CEMIP: variants seen among roughly 807,000 people sequenced by gnomAD.
The protein encoded by CEMIP is cell migration inducing hyaluronidase 1, also known as cell migration-inducing and hyaluronan-binding protein.
In CEMIP, 105 loss-of-function variants were observed where a neutral mutation model predicts 156.9. The observed-to-expected ratio is 0.67, with a 90% CI of 0.57 to 0.79. CEMIP has a LOEUF of 0.79. Ranked by LOEUF, CEMIP falls within the 30% of genes least tolerant of loss-of-function variation. CEMIP has a pLI of 0.00. For missense variants in CEMIP, 1,457 were observed against 1,769.4 expected (o/e 0.82, Z 3.17); for synonymous variants, 676 against 668.4 (o/e 1.01, Z -0.17).
At chr15:80,847,633 G>A (rs187763660) in intron 1 of CEMIP, among the ~76,000 whole-genome samples, 9 of 152,302 alleles carry the variant, frequency 5.9e-5, no homozygotes, top group Middle Eastern at 3.4e-3. Context: ...TGCAATTTGT[G>A]CCTGTGTGAT....
chr15:80,929,284 T>A, intron 21 of CEMIP, 110 bp downstream of exon 21: 2 of 1,335,956 alleles, frequency 1.5e-6, no homozygotes, highest in Non-Finnish European at 2.1e-6. Flanking sequence ...TGAATTCTTC[T>A]ACCAGCCAGA....
intron 19 of CEMIP, among the ~76,000 whole-genome samples, chr15:80,926,497 A>G (rs1900673231): frequency 6.6e-6 from 1 of 152,238 alleles, no homozygotes; most frequent in East Asian, 1.9e-4. Context: ...AGGAGAAATA[A>G]AGGTGAAAGG....
At chr15:80,832,886 T>A (rs1897186828) in intron 1 of CEMIP, among the ~76,000 whole-genome samples, 1 of 152,174 alleles carries the variant, frequency 6.6e-6, no homozygotes, top group Non-Finnish European at 1.5e-5. Flanking sequence ...TGAGGCTCAC[T>A]CACTCACATG....
intron 27 of CEMIP, among the ~76,000 whole-genome samples, chr15:80,942,592 C>A (rs575582962): frequency 1.3e-5 from 2 of 152,180 alleles, no homozygotes; most frequent in African/African-American, 2.4e-5. Flanking sequence ...TGAGTGTCTG[C>A]GTCTCACCTC....
intron 1 of CEMIP, among the ~76,000 whole-genome samples, chr15:80,828,104 T>G (rs1457405773): frequency 1.3e-5 from 2 of 152,150 alleles, no homozygotes; most frequent in East Asian, 3.8e-4. Context: ...GCAGGCCGGG[T>G]GTGGTGGCTC....
At chr15:80,844,074 C>T (rs1001147627) in intron 1 of CEMIP, among the ~76,000 whole-genome samples, 1 of 152,256 alleles carries the variant, frequency 6.6e-6, no homozygotes, top group African/African-American at 2.4e-5. Context: ...GCCAGCTTTG[C>T]ACCCCCACTT....
chr15:80,885,224 C>T, intron 7 of CEMIP, among the ~76,000 whole-genome samples: 1 of 152,218 alleles, frequency 6.6e-6, no homozygotes, highest in East Asian at 1.9e-4. Context: ...ATGCTCCTCC[C>T]TTCAGCTTCC....
At chr15:80,819,523 C>T (rs1049772359) in intron 1 of CEMIP, among the ~76,000 whole-genome samples, 1 of 152,148 alleles carries the variant, frequency 6.6e-6, no homozygotes, top group African/African-American at 2.4e-5. Flanking sequence ...AGGATGTGAC[C>T]TGGAATGGGA....
chr15:80,869,571 G>A (rs1567075734), intron 1 of CEMIP, among the ~76,000 whole-genome samples: 1 of 152,152 alleles, frequency 6.6e-6, no homozygotes, highest in South Asian at 2.1e-4. Context: ...CCTGTCAATG[G>A]TACCATCTCT....
chr15:80,815,359 TG>T (rs1211973774), intron 1 of CEMIP, among the ~76,000 whole-genome samples: 1 of 152,226 alleles, frequency 6.6e-6, no homozygotes, highest in Non-Finnish European at 1.5e-5. Context: ...TTTGAGACAT[TG>T]GGAAAGGCAT....
Position 80,933,400 on chromosome 15 carries a change from C to A in CEMIP, c.2949C>A (p.His983Gln), listed in dbSNP as rs1312062438. 2 of 1,614,130 alleles carry A rather than the reference C, an allele frequency of 1.2e-6. No homozygotes were observed. The highest frequency in any genetic ancestry group is 3.3e-5 in the Admixed American group (2 of 60,026). The change falls in exon 23 of 30, where the codon CAC (histidine) becomes CAA (glutamine). Residue 983 changes from histidine to glutamine, a missense_variant. This residue lies in a region of CEMIP where 798 missense variants were observed against 980.1 expected (regional missense o/e 0.81). Transcript: ENST00000394685. Reference sequence around the variant, plus strand: ...AGAATGACAACTGGCTGGTCCGGCACCCAGACTGCATCAATGTTCCCGACT... The same window carrying A: ...AGAATGACAACTGGCTGGTCCGGCAACCAGACTGCATCAATGTTCCCGACT... ...LTKNDNWLVRHPDCINVPDWR... is the reference protein window; with the variant it reads ...LTKNDNWLVRQPDCINVPDWR...
At chr15:80,831,476 G>A (rs1043192555) in intron 1 of CEMIP, among the ~76,000 whole-genome samples, 2 of 152,114 alleles carry the variant, frequency 1.3e-5, no homozygotes, top group Non-Finnish European at 2.9e-5. Flanking sequence ...GGGCTAAGTT[G>A]GGGGGACAGG....
At chr15:80,803,199 G>T (rs562609203) in intron 1 of CEMIP, among the ~76,000 whole-genome samples, 21 of 152,250 alleles carry the variant, frequency 1.4e-4, no homozygotes, top group African/African-American at 4.8e-4. Context: ...GACCACTCCC[G>T]CAGAGTTGTA....
intron 19 of CEMIP, among the ~76,000 whole-genome samples, chr15:80,926,953 C>T (rs1326911650): frequency 6.6e-6 from 1 of 151,962 alleles, no homozygotes; most frequent in East Asian, 1.9e-4. Context: ...GCCTCAGCCT[C>T]CCGAGTAGCT....
intron 1 of CEMIP, among the ~76,000 whole-genome samples, chr15:80,839,408 G>A (rs892559049): frequency 1.3e-5 from 2 of 151,996 alleles, no homozygotes; most frequent in South Asian, 4.2e-4. Context: ...TCCCAAGTGG[G>A]GGAGGGAGAA....
intron 1 of CEMIP, among the ~76,000 whole-genome samples, chr15:80,813,349 GATTTT>G (rs1050373900): frequency 5.8e-5 from 8 of 138,846 alleles, no homozygotes; most frequent in Non-Finnish European, 9.2e-5. Flanking sequence ...CAGCAGTACG[GATTTT>G]TTTTTTTTTT....
Position 80,906,456 on chromosome 15 carries a change from C to G in CEMIP, c.1412-207C>G, listed in dbSNP as rs1899807259. On this transcript the variant is annotated intron_variant, in intron 12 of 29. Coordinates refer to ENST00000394685, the MANE Select transcript of CEMIP (RefSeq NM_001293298.2). The surrounding 1 kb of genome is among the most constrained non-coding windows in gnomAD (Gnocchi z 4.3). ...GCCATTTCTGCCAAAGGCTTCAGACCTAAGCCTGTGTAACTGTGAGATCTG... is the reference window on the plus strand; with the variant it reads ...GCCATTTCTGCCAAAGGCTTCAGACGTAAGCCTGTGTAACTGTGAGATCTG... Among the ~76,000 whole-genome samples the G allele has an allele frequency of 6.6e-6, 1 of 152,204 alleles. No individual in the cohort carries two copies. The highest frequency in any genetic ancestry group is 2.4e-5 in the African/African-American group (1 of 41,430).
intron 3 of CEMIP, among the ~76,000 whole-genome samples, chr15:80,875,714 T>C (rs1332567778): frequency 6.6e-6 from 1 of 152,210 alleles, no homozygotes; most frequent in Admixed American, 6.5e-5. Context: ...CAATCCCGCT[T>C]CTGGTGGCCC....
intron 1 of CEMIP, among the ~76,000 whole-genome samples, chr15:80,795,814 T>C (rs1896209688): frequency 6.6e-6 from 1 of 152,026 alleles, no homozygotes; most frequent in Non-Finnish European, 1.5e-5. Context: ...TGTATAGTCC[T>C]GGCTACTTGG....
Sources: gnomAD v4.1 joint callset for allele counts (sites outside exome capture counted in the v4.1 genomes callset) on GRCh38, gnomAD v4.1.1 for gene constraint, gnomAD v4.1.1 regional missense constraint, Gnocchi (gnomAD v3.1) non-coding constraint, MANE v1.5 for transcripts, NCBI Gene and HGNC (gene_info 2026-07-23, HGNC 2026-07-21) for gene names.